The following DMD variants were observed in gnomAD, a reference collection of about 807,000 sequenced individuals.
DMD encodes the protein mutant dystrophin.
In DMD, 63 loss-of-function variants were observed where a neutral mutation model predicts 330.1. That is an observed-to-expected ratio of 0.19 (90% CI 0.16 to 0.24). DMD has a LOEUF of 0.24. Among genes scored for constraint, DMD ranks in the 10% least tolerant of loss-of-function variants. The pLI, the probability that DMD is intolerant of heterozygous loss-of-function variation, is 1.00. For synonymous variants in DMD, 1,223 were observed against 959.8 expected (o/e 1.27, Z -5.07); for missense variants, 3,344 against 2,684.1 (o/e 1.25, Z -5.43).
rs756216113 is a variant in DMD at position 32,766,666 on chromosome X, C to G, written c.649+42827G>C. Among the ~76,000 whole-genome samples the G allele has an allele frequency of 6.3e-5, 7 of 111,340 alleles. No homozygotes were observed. The South Asian group carries it at 1.1e-3, about 18-fold the overall frequency. On this transcript the variant is annotated intron_variant, in intron 7 of 78. Coordinates refer to ENST00000357033, the MANE Select transcript of DMD (RefSeq NM_004006.3). Reference sequence around the variant, plus strand: ...AGCTTATAAAATTTTTGCATACACTCTTTCAAAGCTGATTTTTCTGATGAA... The same window carrying G: ...AGCTTATAAAATTTTTGCATACACTGTTTCAAAGCTGATTTTTCTGATGAA...
rs139765007 is a variant in DMD at position 32,352,456 on chromosome X, A to T, written c.5326-3928T>A. On this transcript the variant is annotated intron_variant, in intron 37 of 78. Coordinates refer to ENST00000357033, the MANE Select transcript of DMD (RefSeq NM_004006.3). ...TGTATAAACTCATAATCAATACAAA[A>T]ATATGAATATTTTACATTTTATATT... 3.1e-3 allele frequency among the ~76,000 whole-genome samples: 339 copies of T among 111,066 alleles called. 10 individuals carry two copies. The East Asian group carries it at 0.081, about 27-fold the overall frequency.
intron 48 of DMD, among the ~76,000 whole-genome samples, chrX:31,849,224 A>G (rs1029212041): frequency 4.5e-5 from 5 of 110,263 alleles, no homozygotes; most frequent in African/African-American, 1.6e-4. Context: ...ACATTTATTT[A>G]TTTATTTATT....
At chrX:31,831,513 C>T (rs2093029408) in intron 49 of DMD, among the ~76,000 whole-genome samples, 1 of 112,102 alleles carries the variant, frequency 8.9e-6, no homozygotes, top group South Asian at 3.7e-4. Context: ...GAAAGTGAAG[C>T]TCTCCTCAAG....
chrX:33,232,410 A>G (rs1027292372), intron 1 of DMD, among the ~76,000 whole-genome samples: 1 of 112,239 alleles, frequency 8.9e-6, no homozygotes, highest in Admixed American at 9.5e-5. Context: ...GAATGCCAGT[A>G]ATGTTACAAA....
intron 53 of DMD, among the ~76,000 whole-genome samples, chrX:31,674,943 G>A (rs1457377248): frequency 8.9e-6 from 1 of 112,331 alleles, no homozygotes; most frequent in Non-Finnish European, 1.9e-5. Context: ...ATAGGATTCT[G>A]TCATAGCCTA....
intron 55 of DMD, among the ~76,000 whole-genome samples, chrX:31,593,042 A>G (rs752246082): frequency 1.4e-4 from 15 of 111,073 alleles, no homozygotes; most frequent in Non-Finnish European, 2.5e-4. Context: ...TTATATCCAT[A>G]TTTAGAGCAT....
intron 41 of DMD, among the ~76,000 whole-genome samples, chrX:32,319,512 A>G (rs1439545838): frequency 1.8e-5 from 2 of 111,990 alleles, no homozygotes; most frequent in African/African-American, 3.2e-5. Flanking sequence ...TATAATTTAT[A>G]TTTAGGAATA....
chrX:32,779,700 TGGTGG>T (rs1206365560), intron 7 of DMD, among the ~76,000 whole-genome samples: 25 of 29,187 alleles, frequency 8.6e-4, no homozygotes, highest in Admixed American at 3.2e-3. Context: ...ATACGGCCTG[TGGTGG>T]GGTGGGGTGG....
intron 7 of DMD, among the ~76,000 whole-genome samples, chrX:32,770,199 A>G (rs1178727020): frequency 9.0e-6 from 1 of 111,689 alleles, no homozygotes; most frequent in Non-Finnish European, 1.9e-5. Flanking sequence ...ACATGCTTAG[A>G]CCTGTCATCT....
At chrX:32,924,924 T>G (rs147903584) in intron 2 of DMD, among the ~76,000 whole-genome samples, 1,454 of 110,715 alleles carry the variant, frequency 0.013, 24 homozygotes, top group African/African-American at 0.045. Context: ...TGTGTAAATT[T>G]TTAGCATAAA....
At chrX:32,995,271 A>G (rs2147347991) in intron 2 of DMD, among the ~76,000 whole-genome samples, 1 of 112,440 alleles carries the variant, frequency 8.9e-6, no homozygotes, top group African/African-American at 3.2e-5. Context: ...TTTCTTTTTA[A>G]CTTAAATGCC....
intron 1 of DMD, among the ~76,000 whole-genome samples, chrX:33,032,879 T>C (rs1455075785): frequency 1.8e-5 from 2 of 112,227 alleles, no homozygotes; most frequent in Admixed American, 1.9e-4. Flanking sequence ...GTTCACCAAA[T>C]ACGGAAGTCT....
At chrX:32,168,544 A>T (rs1370231815) in intron 44 of DMD, among the ~76,000 whole-genome samples, 1 of 80,944 alleles carries the variant, frequency 1.2e-5, no homozygotes, top group East Asian at 3.3e-4. Context: ...CAGTTATAAA[A>T]AAAAAAAAAA....
chrX:32,775,076 G>A (rs899646296), intron 7 of DMD, among the ~76,000 whole-genome samples: 4 of 112,442 alleles, frequency 3.6e-5, no homozygotes, highest in African/African-American at 1.3e-4. Context: ...AATGCAGCCA[G>A]GCAATCGTTA....
intron 67 of DMD, among the ~76,000 whole-genome samples, chrX:31,199,069 A>T (rs1305627553): frequency 2.7e-5 from 3 of 112,036 alleles, no homozygotes; most frequent in Non-Finnish European, 5.6e-5. Context: ...TCATTGTGCC[A>T]CTGTGGGCCT....
chrX:31,238,983 C>T (rs1295846537), intron 63 of DMD, among the ~76,000 whole-genome samples: 2 of 111,992 alleles, frequency 1.8e-5, no homozygotes, highest in African/African-American at 3.2e-5. Context: ...ACCTGCAGTA[C>T]GAGTTTCTAC....
intron 76 of DMD, among the ~76,000 whole-genome samples, chrX:31,144,216 C>T (rs1019113420): frequency 2.7e-5 from 3 of 111,744 alleles, no homozygotes; most frequent in African/African-American, 9.8e-5. Flanking sequence ...TGTCTCTTTC[C>T]TCAGAAATGT....
intron 1 of DMD, among the ~76,000 whole-genome samples, chrX:33,321,164 G>A (rs1190704190): frequency 9.0e-6 from 1 of 111,359 alleles, no homozygotes; most frequent in African/African-American, 3.3e-5. Flanking sequence ...GTTATTAATG[G>A]CATCTAGAAT....
intron 1 of DMD, among the ~76,000 whole-genome samples, chrX:33,177,682 G>A (rs778011828): frequency 7.1e-5 from 8 of 111,966 alleles, no homozygotes; most frequent in Admixed American, 9.4e-5. Context: ...CACCGCGCCC[G>A]ACCTTATTTT....
Sources: allele counts gnomAD v4.1 joint callset (sites outside exome capture counted in the v4.1 genomes callset), GRCh38; gene constraint gnomAD v4.1.1; transcripts MANE v1.5; gene names NCBI Gene and HGNC (gene_info 2026-07-23, HGNC 2026-07-21).